Variants in SLC4A7 observed in about 807,000 individuals in gnomAD.
SLC4A7 encodes solute carrier family 4 member 7.
SLC4A7 carries 51 observed loss-of-function variants against 137.6 expected under a neutral mutation model. The observed-to-expected ratio is 0.37, with a 90% CI of 0.30 to 0.47. The LOEUF (loss-of-function observed/expected upper bound fraction) is 0.47, where lower values mean the gene tolerates loss of function less well. SLC4A7 is among the 20% of genes least tolerant of loss of function. The probability of loss-of-function intolerance (pLI) is 1.00; values close to 1 mark genes in which losing one functional copy is unlikely to be tolerated. For synonymous variants in SLC4A7, 542 were observed against 518.6 expected (o/e 1.05, Z -0.61); for missense variants, 1,247 against 1,525.4 (o/e 0.82, Z 3.04).
chr3:27,416,026 G>A (rs189135590), intron 11 of SLC4A7, among the ~76,000 whole-genome samples: 4 of 152,264 alleles, frequency 2.6e-5, no homozygotes, highest in African/African-American at 9.6e-5. Flanking sequence ...ACATTTGTAT[G>A]ACTTTTCTCT....
chr3:27,420,668 T>C (rs2054876831), intron 10 of SLC4A7, 32 bp downstream of exon 10: 1 of 1,325,968 alleles, frequency 7.5e-7, no homozygotes, highest in East Asian at 2.3e-5. Context: ...AATTAGTGTC[T>C]ACTTCAAAGA....
In SLC4A7 at chr3:27,391,809, C is replaced by T. The variant is rs2051582445; in HGVS notation, c.3118-1G>A. On this transcript the variant is annotated splice_acceptor_variant, in intron 20 of 25. Transcript: ENST00000454389. LOFTEE classifies it high-confidence loss of function. The stretch of plus-strand genomic sequence containing the variant: ...CATACAGAACAGGCATTGGAATAAA[C>T]TGTAAATAAAATGAACACAATTAGA... The T allele has an allele frequency of 6.4e-7, 1 of 1,572,724 alleles. No homozygotes were observed. Among genetic ancestry groups the T allele is most frequent in the Non-Finnish European group, 8.7e-7 (1 of 1,150,588 alleles).
chr3:27,412,292 C>T (rs552034990), intron 11 of SLC4A7, among the ~76,000 whole-genome samples: 3 of 152,242 alleles, frequency 2.0e-5, no homozygotes, highest in African/African-American at 7.2e-5. Flanking sequence ...AGGATTTCTC[C>T]CCCTCTGTTA....
At chr3:27,448,506 TATTCCCCAATACAATAC>T in intron 3 of SLC4A7, 128 bp downstream of exon 3, 1 of 458,668 alleles carries the variant, frequency 2.2e-6, no homozygotes, top group Middle Eastern at 6.3e-4. Context: ...CTTCAATTGA[TATTCCCCAATACAATAC>T]ATTCCCCATA....
chr3:27,390,273 G>GT, intron 21 of SLC4A7, 169 bp from the exon 22 acceptor site: 3 of 310,868 alleles, frequency 9.7e-6, no homozygotes, highest in South Asian at 1.1e-4. Flanking sequence ...CCAAAGTGGG[G>GT]TCGGGTGGGG....
intron 3 of SLC4A7, among the ~76,000 whole-genome samples, chr3:27,438,311 C>G (rs2150416109): frequency 6.6e-6 from 1 of 151,218 alleles, no homozygotes; most frequent in Non-Finnish European, 1.5e-5. Context: ...TGGAGACCAA[C>G]CTGGCCAACA....
intron 13 of SLC4A7, among the ~76,000 whole-genome samples, chr3:27,405,925 AGAT>A (rs2150177079): frequency 6.6e-6 from 1 of 152,342 alleles, no homozygotes; most frequent in East Asian, 1.9e-4. Flanking sequence ...TTAGGCTATC[AGAT>A]GATTAGCTAT....
At chr3:27,383,033 C>T in intron 24 of SLC4A7, 120 bp downstream of exon 24, 2 of 664,186 alleles carry the variant, frequency 3.0e-6, no homozygotes, top group South Asian at 3.8e-5. Context: ...GTTGATACAC[C>T]ATATGCAGAT....
chr3:27,464,912 C>A (rs1190496618), intron 1 of SLC4A7, among the ~76,000 whole-genome samples: 1 of 152,130 alleles, frequency 6.6e-6, no homozygotes, highest in East Asian at 1.9e-4. Flanking sequence ...AGCCTGTTAG[C>A]CAGGACTCCA....
At chr3:27,419,339 C>T (rs1216899556) in intron 10 of SLC4A7, among the ~76,000 whole-genome samples, 3 of 151,632 alleles carry the variant, frequency 2.0e-5, no homozygotes, top group African/African-American at 7.3e-5. Flanking sequence ...GAGGCCGAGG[C>T]AGGCGGATCG....
At chr3:27,478,542 T>G (rs1221813370) in intron 1 of SLC4A7, among the ~76,000 whole-genome samples, 2 of 149,338 alleles carry the variant, frequency 1.3e-5, no homozygotes, top group African/African-American at 4.9e-5. Context: ...CCAACAACAT[T>G]AAAGCATCCT....
chr3:27,456,999 G>A, intron 1 of SLC4A7: 2 of 873,834 alleles, frequency 2.3e-6, no homozygotes, highest in Non-Finnish European at 2.7e-6. Flanking sequence ...TACAAAGAGT[G>A]CATACTCTAA....
At chr3:27,393,003 G>A (rs1312133967) in intron 20 of SLC4A7, among the ~76,000 whole-genome samples, 1 of 151,894 alleles carries the variant, frequency 6.6e-6, no homozygotes, top group African/African-American at 2.4e-5. Flanking sequence ...CAAGGGGGAG[G>A]AGGGATAAGA....
At chr3:27,439,108 ACAATC>A (rs1196018733) in intron 3 of SLC4A7, among the ~76,000 whole-genome samples, 1 of 152,246 alleles carries the variant, frequency 6.6e-6, no homozygotes, top group Non-Finnish European at 1.5e-5. Flanking sequence ...ACCTAAGTGA[ACAATC>A]CTCCAAGTAC....
At chr3:27,423,850 A>C in intron 8 of SLC4A7, 187 bp downstream of exon 8, 1 of 515,360 alleles carries the variant, frequency 1.9e-6, no homozygotes, top group East Asian at 3.3e-5. Flanking sequence ...AAGTACTCAC[A>C]GGTTAACTGT....
rs995800387 is a variant in SLC4A7, at chr3:27,375,295, C to T, written c.*1469G>A. ...AATTTTCATCCTAATAGTGATGTCACCATTTTTGATATTTCTGTGGCTTCT... is the reference window on the plus strand; with the variant it reads ...AATTTTCATCCTAATAGTGATGTCATCATTTTTGATATTTCTGTGGCTTCT... On this transcript the variant is annotated 3_prime_UTR_variant, in exon 26 of 26. Coordinates refer to ENST00000454389, the MANE Select transcript of SLC4A7 (RefSeq NM_001321103.2). 2.6e-5 allele frequency: 4 copies of T among 151,888 alleles called. No individual in the cohort carries two copies. The highest frequency in any genetic ancestry group is 4.4e-5 in the Non-Finnish European group (3 of 67,864). 9.4% of individuals were successfully genotyped at this position (151,888 alleles called of 1,614,324 possible).
rs571790970 is a variant in SLC4A7 at position 27,411,660 on chromosome 3, T to C, written c.1748A>G (p.Glu583Gly). Residue 583 changes from glutamate to glycine, a missense_variant, in exon 12 of 26, where the codon GAG becomes GGG. Glu to Gly is a moderately conservative substitution (Grantham distance 98). This residue lies in a region of SLC4A7 where 499 missense variants were observed against 664.2 expected (regional missense o/e 0.75). Coordinates refer to ENST00000454389, the MANE Select transcript of SLC4A7 (RefSeq NM_001321103.2). ...PKEAAHHAGPELQRTGRLFGG... is the reference protein window; with the variant it reads ...PKEAAHHAGPGLQRTGRLFGG... Reference sequence around the variant, plus strand: ...CACCCACCGTCCAGTCCTCTGTAGCTCAGGCCCAGCATGATGAGCGGCCTC... The same window carrying C: ...CACCCACCGTCCAGTCCTCTGTAGCCCAGGCCCAGCATGATGAGCGGCCTC... The C allele has an allele frequency of 3.9e-6, 6 of 1,555,096 alleles. No homozygotes were observed. The South Asian group carries it at 7.3e-5, about 19-fold the overall frequency.
chr3:27,461,230 ACACAC>A (rs746682757), intron 1 of SLC4A7, among the ~76,000 whole-genome samples: 40 of 151,744 alleles, frequency 2.6e-4, no homozygotes, highest in Admixed American at 7.2e-4. Context: ...ACACACACAC[ACACAC>A]AAAACACATT....
intron 11 of SLC4A7, among the ~76,000 whole-genome samples, chr3:27,416,533 T>C (rs1268969709): frequency 6.6e-6 from 1 of 152,150 alleles, no homozygotes; most frequent in Non-Finnish European, 1.5e-5. Flanking sequence ...GAATACCTAA[T>C]TAATCTTAAT....
Sources: allele counts gnomAD v4.1 joint callset (sites outside exome capture counted in the v4.1 genomes callset), GRCh38; gene constraint gnomAD v4.1.1; regional missense constraint gnomAD v4.1.1; transcripts MANE v1.5; gene names NCBI Gene and HGNC (gene_info 2026-07-23, HGNC 2026-07-21).